The following STAG1 variants were observed in gnomAD, a reference collection of about 807,000 sequenced individuals.
STAG1 encodes STAG1 cohesin complex component, also known as cohesin subunit SA-1.
A neutral mutation model predicts 170.9 loss-of-function variants in STAG1; 26 were observed. The observed-to-expected ratio is 0.15, with a 90% confidence interval of 0.11 to 0.21. The LOEUF is 0.21. Ranked by LOEUF, STAG1 falls within the 10% of genes least tolerant of loss-of-function variation. The probability of loss-of-function intolerance (pLI) is 1.00; values close to 1 mark genes in which losing one functional copy is unlikely to be tolerated. For missense variants in STAG1, 964 were observed against 1,509.5 expected (o/e 0.64, Z 5.99); for synonymous variants, 514 against 497.7 (o/e 1.03, Z -0.44).
intron 1 of STAG1, among the ~76,000 whole-genome samples, chr3:136,659,322 A>G (rs564253553): frequency 8.5e-5 from 13 of 152,192 alleles, no homozygotes; most frequent in Non-Finnish European, 1.2e-4. Flanking sequence ...ATAAGTGTTA[A>G]ATTTTTGTGA....
chr3:136,422,422 G>T lies in STAG1; in HGVS notation c.2025C>A (p.Asp675Glu), dbSNP rs767800897. 1 of 1,613,898 alleles carries T rather than the reference G, an allele frequency of 6.2e-7. No individual in the cohort carries two copies. ...CTTTAGAACAGACCTCTTGCAATAGGTCTTCCACAGAATGATTGAATCGAT... is the reference window on the plus strand; with the variant it reads ...CTTTAGAACAGACCTCTTGCAATAGTTCTTCCACAGAATGATTGAATCGAT... ...FVDRFNHSVEDLLQEGEEADD... is the reference protein window; with the variant it reads ...FVDRFNHSVEELLQEGEEADD... The change falls in exon 19 of 34, where the codon GAC becomes GAA. Residue 675 changes from aspartate to glutamate, a missense_variant. Coordinates refer to ENST00000383202, the MANE Select transcript of STAG1 (RefSeq NM_005862.3).
At chr3:136,739,027 T>C (rs1314530123) in intron 1 of STAG1, among the ~76,000 whole-genome samples, 1 of 152,114 alleles carries the variant, frequency 6.6e-6, no homozygotes, top group African/African-American at 2.4e-5. Context: ...AGATAATTAT[T>C]ACATAATGGA....
intron 28 of STAG1, 49 bp from the exon 29 acceptor site, chr3:136,349,412 C>A: frequency 7.1e-7 from 1 of 1,413,674 alleles, no homozygotes; most frequent in Non-Finnish European, 1.0e-6. Flanking sequence ...GCAGTTCATA[C>A]ATCACTTACT....
intron 5 of STAG1, among the ~76,000 whole-genome samples, chr3:136,562,342 C>T (rs894072326): frequency 6.6e-6 from 1 of 151,620 alleles, no homozygotes; most frequent in African/African-American, 2.4e-5. Flanking sequence ...CTCACTGCAA[C>T]CTCCGCCTCC....
At chr3:136,367,556 T>C (rs917344204) in intron 24 of STAG1, among the ~76,000 whole-genome samples, 24 of 152,282 alleles carry the variant, frequency 1.6e-4, no homozygotes, top group African/African-American at 5.5e-4. Context: ...AATTATCTGA[T>C]TACCTTTAAA....
chr3:136,380,845 T>C (rs1216952545), intron 22 of STAG1, among the ~76,000 whole-genome samples: 1 of 150,912 alleles, frequency 6.6e-6, no homozygotes, highest in African/African-American at 2.4e-5. Flanking sequence ...CATGATGAAA[T>C]CCAGTCTCTA....
chr3:136,557,514 C>T (rs983093777), intron 5 of STAG1, among the ~76,000 whole-genome samples: 10 of 152,108 alleles, frequency 6.6e-5, no homozygotes, highest in Admixed American at 4.6e-4. Flanking sequence ...TTCATGACCA[C>T]GGTGTAAATA....
intron 22 of STAG1, among the ~76,000 whole-genome samples, chr3:136,391,874 CAG>C (rs1013315039): frequency 1.2e-4 from 19 of 152,324 alleles, no homozygotes; most frequent in African/African-American, 4.3e-4. Context: ...CTCTGGGAAT[CAG>C]GGGAACAGAG....
At chr3:136,416,728 A>G (rs1476537911) in intron 21 of STAG1, among the ~76,000 whole-genome samples, 1 of 152,230 alleles carries the variant, frequency 6.6e-6, no homozygotes, top group Non-Finnish European at 1.5e-5. Context: ...TTCACAAACT[A>G]CAATAAAAAC....
chr3:136,723,940 GC>G (rs1368174736), intron 1 of STAG1, among the ~76,000 whole-genome samples: 7 of 146,190 alleles, frequency 4.8e-5, no homozygotes, highest in African/African-American at 1.3e-4. Context: ...GGGGGGGTCA[GC>G]CCCCCGCCAG....
rs549019335 is a variant in STAG1, at chr3:136,516,364, C to T, written c.676+4849G>A. Among the ~76,000 whole-genome samples the T allele has an allele frequency of 9.9e-5, 15 of 151,864 alleles. No homozygotes were observed. The South Asian group carries it at 2.9e-3, about 30-fold the overall frequency. On this transcript the variant is annotated intron_variant, in intron 7 of 33. Coordinates refer to ENST00000383202, the MANE Select transcript of STAG1 (RefSeq NM_005862.3). ...CTACAAAAACTACAAAAAAATTAGC[C>T]GGATGTGGTGGCATGCACCTGTGGT...
intron 30 of STAG1, 48 bp from the exon 31 acceptor site, chr3:136,341,599 T>C: frequency 2.3e-6 from 3 of 1,280,392 alleles, no homozygotes; most frequent in East Asian, 2.3e-5. Flanking sequence ...ATGATGAATT[T>C]AGCTAATGAG....
At chr3:136,522,227 T>TA (rs1177074042) in intron 6 of STAG1, among the ~76,000 whole-genome samples, 1 of 152,326 alleles carries the variant, frequency 6.6e-6, no homozygotes, top group East Asian at 1.9e-4. Context: ...AATTTCTTTA[T>TA]AAATGAGGCC....
At chr3:136,366,490 C>T (rs1053301936) in intron 25 of STAG1, among the ~76,000 whole-genome samples, 6 of 152,074 alleles carry the variant, frequency 3.9e-5, no homozygotes, top group African/African-American at 1.4e-4. Flanking sequence ...GATAAATCAG[C>T]TACTATGCCA....
rs917035083 is a variant in STAG1 at position 136,463,642 on chromosome 3, C to T, written c.1313+1239G>A. On this transcript the variant is annotated intron_variant, in intron 13 of 33. Coordinates refer to ENST00000383202, the MANE Select transcript of STAG1 (RefSeq NM_005862.3). ...CCTGTAATCCCAACACTATGGGAGG[C>T]TGAGGTGGGAGGATCACTTCAGGCC... 2.0e-5 allele frequency among the ~76,000 whole-genome samples: 3 copies of T among 150,098 alleles called. No homozygotes were observed. The Admixed American group carries it at 2.0e-4, about 10-fold the overall frequency.
chr3:136,456,251 CAA>C (rs1213338952), intron 13 of STAG1, among the ~76,000 whole-genome samples: 1 of 151,846 alleles, frequency 6.6e-6, no homozygotes, highest in Non-Finnish European at 1.5e-5. Context: ...TACATACACA[CAA>C]AAAATCCAAA....
chr3:136,667,399 T>G (rs761237755), intron 1 of STAG1, among the ~76,000 whole-genome samples: 1 of 148,158 alleles, frequency 6.7e-6, no homozygotes, highest in Non-Finnish European at 1.5e-5. Flanking sequence ...AAAAGAAAGA[T>G]AGATAGATAG....
chr3:136,369,230 G>A lies in STAG1; in HGVS notation c.2423C>T (p.Thr808Ile), dbSNP rs1937198440. 1 of 1,603,268 alleles carries A rather than the reference G, an allele frequency of 6.2e-7. No individual in the cohort carries two copies. The highest frequency in any genetic ancestry group is 8.5e-7 in the Non-Finnish European group (1 of 1,177,342). Residue 808 changes from threonine to isoleucine, a missense_variant, in exon 24 of 34, where the codon ACA (threonine) becomes ATA (isoleucine). Thr to Ile is a moderately conservative substitution (Grantham distance 89). Coordinates refer to ENST00000383202, the MANE Select transcript of STAG1 (RefSeq NM_005862.3). ...AGGCTGAAGGCCCTCTCTGCCACCT[G>A]TCATTAATTGGTGGCTGAAAATCAT... ...LLMIFSHQLM[T>I]GGREGLQPLV... is the part of the protein sequence containing the mutation.
intron 13 of STAG1, among the ~76,000 whole-genome samples, chr3:136,458,035 G>A (rs2089167525): frequency 6.6e-6 from 1 of 152,138 alleles, no homozygotes; most frequent in Non-Finnish European, 1.5e-5. Flanking sequence ...ACACAGAAAA[G>A]CCAAAACATG....
Sources: gnomAD v4.1 joint callset for allele counts (sites outside exome capture counted in the v4.1 genomes callset) on GRCh38, gnomAD v4.1.1 for gene constraint, MANE v1.5 for transcripts, NCBI Gene and HGNC (gene_info 2026-07-23, HGNC 2026-07-21) for gene names.